NTM: variants seen among roughly 807,000 people sequenced by gnomAD.
NTM encodes neurotrimin.
NTM carries 13 observed loss-of-function variants against 42.1 expected under a neutral mutation model. That is an observed-to-expected ratio of 0.31 (90% CI 0.20 to 0.49). NTM has a LOEUF of 0.49. NTM is among the 20% of genes least tolerant of loss of function. The probability of loss-of-function intolerance (pLI) is 0.99; values close to 1 mark genes in which losing one functional copy is unlikely to be tolerated. For missense variants in NTM, 373 were observed against 452.8 expected (o/e 0.82, Z 1.60); for synonymous variants, 187 against 179.2 (o/e 1.04, Z -0.35).
chr11:131,649,704 A>G (rs539150157), intron 1 of NTM, among the ~76,000 whole-genome samples: 2 of 152,300 alleles, frequency 1.3e-5, no homozygotes, highest in Admixed American at 6.5e-5. Context: ...AAGCCTTTCT[A>G]GGTTCTCAGC....
At chr11:131,883,876 G>A (rs1702931010) in intron 1 of NTM, among the ~76,000 whole-genome samples, 1 of 152,134 alleles carries the variant, frequency 6.6e-6, no homozygotes, top group Non-Finnish European at 1.5e-5. Context: ...GCTTTTCATG[G>A]CCAGATGGCA....
rs921048577 is a variant in NTM, at chr11:132,042,289, A to G, written c.168-103993A>G. Among the ~76,000 whole-genome samples the G allele has an allele frequency of 2.0e-5, 3 of 152,150 alleles. No individual in the cohort carries two copies. In the East Asian group the frequency reaches 5.8e-4, roughly 29 times the overall value. On this transcript the variant is annotated intron_variant, in intron 2 of 8. Transcript: ENST00000683400. ...AGAGCTGTGCCCCATGTATCAGTAG[A>G]AGAATGGCCCCATTTCTAGAGCAGC...
At chr11:132,221,649 C>T (rs2085185327) in intron 4 of NTM, among the ~76,000 whole-genome samples, 1 of 152,174 alleles carries the variant, frequency 6.6e-6, no homozygotes, top group Admixed American at 6.5e-5. Context: ...TTGACATTTC[C>T]TCCAGGTGAT....
chr11:131,378,937 G>T (rs1340866341), intron 1 of NTM, among the ~76,000 whole-genome samples: 1 of 152,216 alleles, frequency 6.6e-6, no homozygotes, highest in African/African-American at 2.4e-5. Flanking sequence ...AGGTAGAAGT[G>T]ATGCTGGCTC....
At chr11:131,661,791 C>T (rs536697028) in intron 1 of NTM, among the ~76,000 whole-genome samples, 19 of 152,092 alleles carry the variant, frequency 1.2e-4, no homozygotes, top group Non-Finnish European at 2.2e-4. Context: ...TGCCAACAAT[C>T]CACTGATATA....
At chr11:131,604,457 T>C (rs981141709) in intron 1 of NTM, among the ~76,000 whole-genome samples, 2 of 152,140 alleles carry the variant, frequency 1.3e-5, no homozygotes, top group Non-Finnish European at 2.9e-5. Flanking sequence ...TTTGCAAATA[T>C]TTTCTTCCAC....
At chr11:131,386,250 C>T (rs1449613592) in intron 1 of NTM, among the ~76,000 whole-genome samples, 2 of 152,138 alleles carry the variant, frequency 1.3e-5, no homozygotes, top group East Asian at 1.9e-4. Flanking sequence ...TCCACTTTCA[C>T]GAAGTACCTA....
Position 131,658,692 on chromosome 11 carries a change from G to A in NTM, c.83-252872G>A, listed in dbSNP as rs971370039. Among the ~76,000 whole-genome samples the A allele has an allele frequency of 3.3e-5, 5 of 152,208 alleles. No homozygotes were observed. The East Asian group carries it at 5.8e-4, about 18-fold the overall frequency. On this transcript the variant is annotated intron_variant, in intron 1 of 8. Coordinates refer to ENST00000683400, the MANE Select transcript of NTM (RefSeq NM_001352005.2). ...GAAGCTTTAAAAGGTGTAAGCGGCC[G>A]GACGCGGTGGCTCACGCCTGTAATT...
intron 1 of NTM, among the ~76,000 whole-genome samples, chr11:131,698,534 G>A (rs1015733245): frequency 6.6e-6 from 1 of 152,042 alleles, no homozygotes; most frequent in Admixed American, 6.6e-5. Context: ...TTACAGATGA[G>A]GGAATTGTGA....
chr11:131,439,625 A>G (rs755164744), intron 1 of NTM, among the ~76,000 whole-genome samples: 3 of 152,212 alleles, frequency 2.0e-5, no homozygotes, highest in Non-Finnish European at 4.4e-5. Context: ...CATGCACGGG[A>G]TATAATCTCC....
At chr11:131,574,593 C>T (rs2057758686) in intron 1 of NTM, among the ~76,000 whole-genome samples, 1 of 125,408 alleles carries the variant, frequency 8.0e-6, no homozygotes, top group African/African-American at 3.3e-5. Flanking sequence ...TGTGTCTACA[C>T]ATGCACCTTT....
Position 131,928,669 on chromosome 11 carries a change from C to T in NTM, c.167+17021C>T, listed in dbSNP as rs1026693892. On this transcript the variant is annotated intron_variant, in intron 2 of 8. Transcript: ENST00000683400. ...ACTCTGTTTGTTTTCTGTGGTCTCCCGTCTGTGTTTTGTCCCACTGCAAAC... is the reference window on the plus strand; with the variant it reads ...ACTCTGTTTGTTTTCTGTGGTCTCCTGTCTGTGTTTTGTCCCACTGCAAAC... Among the ~76,000 whole-genome samples the T allele has an allele frequency of 3.0e-4, 44 of 146,860 alleles. 1 individual carries two copies. Among genetic ancestry groups the T allele is most frequent in the African/African-American group, 1.1e-3 (43 of 39,182 alleles).
intron 2 of NTM, among the ~76,000 whole-genome samples, chr11:131,945,559 A>G (rs555585830): frequency 6.6e-6 from 1 of 152,312 alleles, no homozygotes; most frequent in South Asian, 2.1e-4. Context: ...TGAAATATCC[A>G]AACTAACAGG....
chr11:132,273,335 T>C (rs917574916), intron 4 of NTM, among the ~76,000 whole-genome samples: 2 of 127,910 alleles, frequency 1.6e-5, no homozygotes, highest in Admixed American at 9.3e-5. Flanking sequence ...TTTTTTTTTT[T>C]CCTGAGGAAT....
At chr11:132,286,520 C>G (rs888479559) in intron 4 of NTM, among the ~76,000 whole-genome samples, 1 of 152,108 alleles carries the variant, frequency 6.6e-6, no homozygotes, top group African/African-American at 2.4e-5. Flanking sequence ...CTGTCCGCCC[C>G]CCCCACCCAA....
intron 1 of NTM, among the ~76,000 whole-genome samples, chr11:131,591,860 C>T (rs2059393901): frequency 6.6e-6 from 1 of 152,226 alleles, no homozygotes; most frequent in Non-Finnish European, 1.5e-5. Flanking sequence ...ATTCCTCCTG[C>T]TGCAAGGTAA....
rs112538778 is a variant in NTM, at chr11:131,911,368, C to T, written c.83-196C>T. On this transcript the variant is annotated intron_variant, in intron 1 of 8. Transcript: ENST00000683400. ...TCCTCCCCGCGCCTCCCGGTCGCCG[C>T]GGGTTCACCGCTCAGTCCCCGCGCT... 1.6e-5 allele frequency: 24 copies of T among 1,545,634 alleles called. No individual in the cohort carries two copies. In the African/African-American group the frequency reaches 2.2e-4, roughly 14 times the overall value.
intron 1 of NTM, chr11:131,536,113 C>G (rs1463158459): frequency 6.6e-6 from 1 of 152,168 alleles, no homozygotes; most frequent in Non-Finnish European, 1.5e-5. Context: ...TTCCAATAGG[C>G]AAATGGGTAC....
intron 2 of NTM, among the ~76,000 whole-genome samples, chr11:132,039,575 G>A (rs1213346993): frequency 6.6e-6 from 1 of 152,092 alleles, no homozygotes; most frequent in East Asian, 1.9e-4. Context: ...CAATGGGAAG[G>A]ACCTGAGGGC....
Sources: allele counts gnomAD v4.1 joint callset (sites outside exome capture counted in the v4.1 genomes callset), GRCh38; gene constraint gnomAD v4.1.1; transcripts MANE v1.5; gene names NCBI Gene and HGNC (gene_info 2026-07-23, HGNC 2026-07-21).